GREB1: variants seen among roughly 807,000 people sequenced by gnomAD.
GREB1 encodes the protein growth regulating estrogen receptor binding 1, also known as protein GREB1.
Under a neutral mutation model 200.7 loss-of-function variants are expected in GREB1, and 106 were observed. The observed-to-expected ratio is 0.53, with a 90% CI of 0.45 to 0.62. The LOEUF (loss-of-function observed/expected upper bound fraction) is 0.62. Ranked by LOEUF, GREB1 falls within the 20% of genes least tolerant of loss-of-function variation. GREB1 has a pLI of 0.00. For synonymous variants in GREB1, 1,132 were observed against 1,092.4 expected (o/e 1.04, Z -0.72); for missense variants, 2,243 against 2,556.8 (o/e 0.88, Z 2.65).
At chr2:11,609,850 C>T (rs989088996) in intron 17 of GREB1, among the ~76,000 whole-genome samples, 6 of 152,154 alleles carry the variant, frequency 3.9e-5, no homozygotes, top group East Asian at 3.9e-4. Context: ...TTTTGTAGGT[C>T]GAGAAACTAC....
intron 1 of GREB1, among the ~76,000 whole-genome samples, chr2:11,544,896 C>A (rs192486651): frequency 3.3e-5 from 5 of 152,200 alleles, no homozygotes; most frequent in African/African-American, 9.7e-5. Flanking sequence ...CTCACTGCAA[C>A]CTCTGCCTCC....
chr2:11,618,231 T>TCCTGGGACAGGTCACTCCTGGGATGGGC, intron 21 of GREB1, 57 bp from the exon 22 acceptor site: 1 of 1,412,682 alleles, frequency 7.1e-7, no homozygotes, highest in South Asian at 1.5e-5. Flanking sequence ...CTGGGATGGG[T>TCCTGGGACAGGTCACTCCTGGGATGGGC]GACTCCTGGG....
At chr2:11,638,631 A>T in intron 31 of GREB1, 40 bp from the exon 32 acceptor site, 1 of 1,601,540 alleles carries the variant, frequency 6.2e-7, no homozygotes, top group Non-Finnish European at 8.5e-7. Context: ...TGAGCATTTC[A>T]TAGAAAACGG....
intron 4 of GREB1, among the ~76,000 whole-genome samples, chr2:11,575,901 C>A (rs368823943): frequency 1.3e-5 from 2 of 152,194 alleles, no homozygotes; most frequent in South Asian, 4.1e-4. Flanking sequence ...TTTAAGTGGG[C>A]CCTCAAGCAC....
chr2:11,553,227 T>C (rs1332424424), intron 1 of GREB1, among the ~76,000 whole-genome samples: 2 of 152,044 alleles, frequency 1.3e-5, no homozygotes, highest in South Asian at 2.1e-4. Flanking sequence ...ATGAAAACTT[T>C]ACTGGGCGGG....
At position 11,552,993 on chromosome 2, in the gene GREB1, G is replaced by C. The variant is rs1334951196; in HGVS notation, c.-161-3461G>C. On this transcript the variant is annotated intron_variant, in intron 1 of 32. Coordinates refer to ENST00000381486, the MANE Select transcript of GREB1 (RefSeq NM_014668.4). Reference sequence around the variant, plus strand: ...CCACTGCACTCCAGCCTGGGCGACAGAGCGAAACTCCGTCTCAAAAAAAAA... The same window carrying C: ...CCACTGCACTCCAGCCTGGGCGACACAGCGAAACTCCGTCTCAAAAAAAAA... Among the ~76,000 whole-genome samples the C allele has an allele frequency of 1.2e-4, 16 of 132,954 alleles. No individual in the cohort carries two copies. In the East Asian group the frequency reaches 3.3e-3, roughly 28 times the overall value. The allele number at this position is 132,954 out of a possible 152,430, so 87.2% of individuals were successfully genotyped here.
chr2:11,621,573 A>C (rs1188387322), intron 23 of GREB1, among the ~76,000 whole-genome samples: 1 of 152,204 alleles, frequency 6.6e-6, no homozygotes, highest in Non-Finnish European at 1.5e-5. Flanking sequence ...TTTTGTGCTC[A>C]TGTAAAATAA....
Position 11,632,981 on chromosome 2 carries a change from A to G in GREB1, c.4909A>G (p.Ile1637Val). The part of the protein sequence containing the change: ...QEELGIKPQD[I>V]WPFIVISDDS... ...GGAGCTGGGAATCAAGCCGCAGGAC[A>G]TCTGGCCTTTCATTGTGATCTCTGA... Residue 1637 changes from isoleucine (I) to valine (V), a missense_variant, in exon 28 of 33, where the codon ATC becomes GTC. By Grantham distance (29) the Ile-to-Val change is conservative. This residue lies in a region of GREB1 where 478 missense variants were observed against 616.3 expected (regional missense o/e 0.78). Coordinates refer to ENST00000381486, the MANE Select transcript of GREB1 (RefSeq NM_014668.4). 4 of 1,614,196 alleles carry G rather than the reference A, an allele frequency of 2.5e-6. No homozygotes were observed. The highest frequency in any genetic ancestry group is 1.7e-6 in the Non-Finnish European group (2 of 1,180,018).
Position 11,634,301 on chromosome 2 carries a change from T to A in GREB1, c.5162T>A (p.Ile1721Asn). The A allele has an allele frequency of 6.2e-7, 1 of 1,614,114 alleles. No homozygotes were observed. The highest frequency in any genetic ancestry group is 8.5e-7 in the Non-Finnish European group (1 of 1,180,024). Residue 1721 changes from isoleucine (I) to asparagine (N), a missense_variant, in exon 29 of 33, where the codon ATC becomes AAC. Ile to Asn is a moderately radical substitution (Grantham distance 149). This residue lies in a region of GREB1 where 478 missense variants were observed against 616.3 expected (regional missense o/e 0.78). Coordinates refer to ENST00000381486, the MANE Select transcript of GREB1 (RefSeq NM_014668.4). ...TCCCGCTGCCACGTGCACAACTTCA[T>A]CATCCTGAACGTGGACCTGACCCAG... ...PFSRCHVHNF[I>N]ILNVDLTQNV...
At position 11,600,948 on chromosome 2, in the gene GREB1, C is replaced by G. The variant is rs777029034; in HGVS notation, c.2482C>G (p.Leu828Val). 11 of 1,613,854 alleles carry G rather than the reference C, an allele frequency of 6.8e-6. No homozygotes were observed. In the Admixed American group the frequency reaches 1.8e-4, roughly 27 times the overall value. Residue 828 changes from leucine (L) to valine (V), a missense_variant, in exon 16 of 33, where the codon CTC (leucine) becomes GTC (valine). Around this residue, in one of 3 missense-constraint regions of GREB1, gnomAD observed 1,178 missense variants for 1,387.4 expected, o/e 0.85. Coordinates refer to ENST00000381486, the MANE Select transcript of GREB1 (RefSeq NM_014668.4). ...FPYALQTQHTLISPYNEIHWP... is the reference protein window; with the variant it reads ...FPYALQTQHTVISPYNEIHWP... ...GTATGCACTGCAGACACAGCACACC[C>G]TCATCAGCCCCTACAACGAGATCCA... is the stretch of plus-strand genomic sequence containing the variant.
chr2:11,505,532 T>C (rs1032223629), intron 1 of GREB1, among the ~76,000 whole-genome samples: 1 of 152,116 alleles, frequency 6.6e-6, no homozygotes, highest in Non-Finnish European at 1.5e-5. Flanking sequence ...TAATAAATCA[T>C]TAAATTATAA....
intron 11 of GREB1, among the ~76,000 whole-genome samples, chr2:11,594,797 A>G (rs1269488867): frequency 6.6e-6 from 1 of 152,104 alleles, no homozygotes; most frequent in East Asian, 1.9e-4. Context: ...GGTTCACACC[A>G]TTCTCCTGCC....
At chr2:11,607,587 T>TAG (rs1329912941) in intron 17 of GREB1, among the ~76,000 whole-genome samples, 2 of 8,376 alleles carry the variant, frequency 2.4e-4, no homozygotes, top group African/African-American at 3.1e-4. Context: ...CATATATACA[T>TAG]ATATACATAT....
intron 1 of GREB1, among the ~76,000 whole-genome samples, chr2:11,491,374 CAA>C (rs1317164541): frequency 6.6e-6 from 1 of 152,088 alleles, no homozygotes; most frequent in Non-Finnish European, 1.5e-5. Flanking sequence ...CAAATCCTGA[CAA>C]TGTTATCAGA....
At position 11,548,208 on chromosome 2, in the gene GREB1, A is replaced by G. The variant is rs1675470991; in HGVS notation, c.-161-8246A>G. Among the ~76,000 whole-genome samples the G allele has an allele frequency of 6.6e-6, 1 of 151,768 alleles. No homozygotes were observed. The highest frequency in any genetic ancestry group is 1.5e-5 in the Non-Finnish European group (1 of 67,920). ...AAAAAAACCCACCACACATTCTCAC[A>G]TGCACACAGCCAGACATGTGCACAC... On this transcript the variant is annotated intron_variant, in intron 1 of 32. Transcript: ENST00000381486. This position sits in a 1 kb window ranked among gnomAD's most constrained non-coding sequence, Gnocchi z 5.1.
At chr2:11,536,211 A>G (rs1674286866) in intron 1 of GREB1, among the ~76,000 whole-genome samples, 1 of 152,172 alleles carries the variant, frequency 6.6e-6, no homozygotes, top group Non-Finnish European at 1.5e-5. Context: ...CTGGGTCTTG[A>G]GGGATGAGGC....
chr2:11,572,145 C>T (rs1398275320), intron 4 of GREB1, among the ~76,000 whole-genome samples: 1 of 152,232 alleles, frequency 6.6e-6, no homozygotes, highest in Non-Finnish European at 1.5e-5. Flanking sequence ...ATGACTAGGG[C>T]CAAGTGGCCC....
chr2:11,525,320 C>T (rs955347684), intron 1 of GREB1, among the ~76,000 whole-genome samples: 6 of 151,998 alleles, frequency 3.9e-5, no homozygotes, highest in Non-Finnish European at 7.4e-5. Context: ...ACCTGGCCAA[C>T]ATGGTGAAAC....
chr2:11,585,981 C>T, intron 9 of GREB1, 76 bp downstream of exon 9: 1 of 1,477,342 alleles, frequency 6.8e-7, no homozygotes, highest in Non-Finnish European at 9.4e-7. Flanking sequence ...AAAAGCGAGA[C>T]CTCATCCCGG....
Sources: allele counts gnomAD v4.1 joint callset (sites outside exome capture counted in the v4.1 genomes callset), GRCh38; gene constraint gnomAD v4.1.1; regional missense constraint gnomAD v4.1.1; non-coding constraint Gnocchi (gnomAD v3.1); transcripts MANE v1.5; gene names NCBI Gene and HGNC (gene_info 2026-07-23, HGNC 2026-07-21).